LRP1B: variants seen among roughly 807,000 people sequenced by gnomAD.
LRP1B encodes the protein low-density lipoprotein receptor-related protein 1B.
A neutral mutation model predicts 556.6 loss-of-function variants in LRP1B; 217 were observed. That is an observed-to-expected ratio of 0.39 (90% confidence interval 0.35 to 0.44). The LOEUF is 0.44. Among genes scored for constraint, LRP1B ranks in the 20% least tolerant of loss-of-function variants. The probability of loss-of-function intolerance (pLI) is 1.00; values close to 1 mark genes in which losing one functional copy is unlikely to be tolerated. For missense variants in LRP1B, 5,053 were observed against 5,620.8 expected, an observed-to-expected ratio of 0.90 and a Z score of 3.23; for synonymous variants, 2,047 against 1,865.8, an observed-to-expected ratio of 1.10 and a Z score of -2.50.
At position 141,935,021 on chromosome 2, in the gene LRP1B, G is replaced by A. The variant is rs571386741; in HGVS notation, c.83-124620C>T. 6.6e-5 allele frequency among the ~76,000 whole-genome samples: 10 copies of A among 150,466 alleles called. No individual in the cohort carries two copies. The South Asian group carries it at 2.2e-3, about 33-fold the overall frequency. Reference sequence around the variant, plus strand: ...TTCAGGAAAACTGGCATAAACTGGAGTTGTCCTAGGAAAACTGGACTCTGG... The same window carrying A: ...TTCAGGAAAACTGGCATAAACTGGAATTGTCCTAGGAAAACTGGACTCTGG... On this transcript the variant is annotated intron_variant, in intron 1 of 90. Coordinates refer to ENST00000389484, the MANE Select transcript of LRP1B (RefSeq NM_018557.3).
chr2:142,033,522 A>C (rs756109372), intron 1 of LRP1B, among the ~76,000 whole-genome samples: 3 of 151,706 alleles, frequency 2.0e-5, no homozygotes, highest in Non-Finnish European at 4.4e-5. Context: ...CTTTGCTATC[A>C]AAGCAAAGAT....
intron 43 of LRP1B, among the ~76,000 whole-genome samples, chr2:140,566,888 T>G (rs1267268318): frequency 6.6e-6 from 1 of 152,206 alleles, no homozygotes. Flanking sequence ...TCATGCACAA[T>G]ACTTAAGCTG....
chr2:140,428,640 C>G (rs1196696392), intron 66 of LRP1B, among the ~76,000 whole-genome samples: 1 of 152,140 alleles, frequency 6.6e-6, no homozygotes, highest in East Asian at 1.9e-4. Context: ...CTGAAGCCCC[C>G]TAGACCATCA....
chr2:140,328,502 C>T (rs894339429), intron 79 of LRP1B, among the ~76,000 whole-genome samples: 1 of 149,912 alleles, frequency 6.7e-6, no homozygotes, highest in Non-Finnish European at 1.5e-5. Context: ...ATGAAGAAAA[C>T]AAAATATTAT....
chr2:141,029,995 A>G (rs1476862740), intron 11 of LRP1B, among the ~76,000 whole-genome samples: 1 of 152,164 alleles, frequency 6.6e-6, no homozygotes. Context: ...CATGGAAGAC[A>G]AAATTATCCG....
rs552506952 is a variant in LRP1B at position 141,836,578 on chromosome 2, G to A, written c.83-26177C>T. ...TAAAACTGTCACTTGATGGAAGCTGGGGATCACCATTAGGCCTTCAAGCAA... is the reference window on the plus strand; with the variant it reads ...TAAAACTGTCACTTGATGGAAGCTGAGGATCACCATTAGGCCTTCAAGCAA... On this transcript the variant is annotated intron_variant, in intron 1 of 90. Coordinates refer to ENST00000389484, the MANE Select transcript of LRP1B (RefSeq NM_018557.3). Among the ~76,000 whole-genome samples the A allele has an allele frequency of 4.6e-5, 7 of 151,956 alleles. No homozygotes were observed. The South Asian group carries it at 1.5e-3, about 32-fold the overall frequency.
At chr2:141,466,455 T>G (rs562024809) in intron 3 of LRP1B, among the ~76,000 whole-genome samples, 1 of 152,340 alleles carries the variant, frequency 6.6e-6, no homozygotes, top group African/African-American at 2.4e-5. Context: ...CTGATTTTAT[T>G]GAAGCAGTGT....
intron 46 of LRP1B, 110 bp downstream of exon 46, chr2:140,536,471 G>T (rs1690977728): frequency 2.9e-6 from 3 of 1,032,242 alleles, no homozygotes; most frequent in Non-Finnish European, 2.8e-6. Flanking sequence ...AGGTTAATGA[G>T]AGACATTAAA....
intron 7 of LRP1B, among the ~76,000 whole-genome samples, chr2:141,143,527 T>A (rs558320689): frequency 6.6e-6 from 1 of 152,324 alleles, no homozygotes; most frequent in African/African-American, 2.4e-5. Flanking sequence ...TGTATACTGC[T>A]AAATTCCTAG....
At chr2:140,968,614 G>A (rs1391440312) in intron 18 of LRP1B, among the ~76,000 whole-genome samples, 3 of 151,614 alleles carry the variant, frequency 2.0e-5, no homozygotes, top group Non-Finnish European at 4.4e-5. Context: ...TCTTTCAATT[G>A]TGATGTTAAG....
intron 3 of LRP1B, among the ~76,000 whole-genome samples, chr2:141,421,406 G>C (rs1680136147): frequency 6.6e-6 from 1 of 150,486 alleles, no homozygotes; most frequent in East Asian, 2.0e-4. Context: ...GCGGGCGCCT[G>C]TAGTCCCAGC....
At chr2:140,463,565 AATTTTTCAAAACAAAT>A (rs1208315597) in intron 60 of LRP1B, among the ~76,000 whole-genome samples, 1 of 152,214 alleles carries the variant, frequency 6.6e-6, no homozygotes, top group African/African-American at 2.4e-5. Flanking sequence ...GTCCAAAATC[AATTTTTCAAAACAAAT>A]AAAAGCATTA....
At chr2:141,414,093 C>T (rs569680285) in intron 3 of LRP1B, among the ~76,000 whole-genome samples, 25 of 151,560 alleles carry the variant, frequency 1.6e-4, no homozygotes, top group African/African-American at 4.8e-4. Flanking sequence ...AAAAATTAGC[C>T]GGGTGTGGTG....
intron 66 of LRP1B, among the ~76,000 whole-genome samples, chr2:140,437,658 T>A (rs565509282): frequency 6.6e-6 from 1 of 152,322 alleles, no homozygotes; most frequent in Admixed American, 6.5e-5. Context: ...ACAAACAATT[T>A]CTAAATGTTA....
chr2:140,256,028 T>G (rs1681660483), intron 86 of LRP1B, among the ~76,000 whole-genome samples: 1 of 152,154 alleles, frequency 6.6e-6, no homozygotes, highest in Non-Finnish European at 1.5e-5. Flanking sequence ...TAACAAAAAT[T>G]TAATTACAGA....
intron 2 of LRP1B, among the ~76,000 whole-genome samples, chr2:141,715,284 A>C (rs534719879): frequency 1.3e-5 from 2 of 151,932 alleles, no homozygotes; most frequent in African/African-American, 4.8e-5. Flanking sequence ...CCTGGGCAAT[A>C]TAGTGAGACC....
rs562777702 is a variant in LRP1B, at chr2:141,354,065, G to A, written c.344-99424C>T. On this transcript the variant is annotated intron_variant, in intron 3 of 90. Transcript: ENST00000389484. ...TAGACACTGAGGCCTACTTAAAAGTGGAGTATGGGAGAAGACTGAGGATCA... is the reference window on the plus strand; with the variant it reads ...TAGACACTGAGGCCTACTTAAAAGTAGAGTATGGGAGAAGACTGAGGATCA... Among the ~76,000 whole-genome samples, 303 of 152,032 alleles carry A rather than the reference G, an allele frequency of 2.0e-3. 1 individual carries two copies. The highest frequency in any genetic ancestry group is 3.7e-3 in the Non-Finnish European group (253 of 67,934).
intron 74 of LRP1B, among the ~76,000 whole-genome samples, chr2:140,357,402 G>A (rs1234486472): frequency 1.3e-5 from 2 of 151,342 alleles, no homozygotes; most frequent in African/African-American, 4.8e-5. Flanking sequence ...GTAAAAGTAG[G>A]AAATATTGTG....
intron 41 of LRP1B, among the ~76,000 whole-genome samples, chr2:140,696,226 G>A (rs894432778): frequency 2.0e-5 from 3 of 152,082 alleles, no homozygotes; most frequent in Admixed American, 1.3e-4. Flanking sequence ...ATAACTGGGT[G>A]TTTTGAGGGT....
Sources: gnomAD v4.1 joint callset for allele counts (sites outside exome capture counted in the v4.1 genomes callset) on GRCh38, gnomAD v4.1.1 for gene constraint, MANE v1.5 for transcripts, NCBI Gene and HGNC (gene_info 2026-07-23, HGNC 2026-07-21) for gene names.